Variants in VAV3 observed in about 807,000 individuals in gnomAD.
VAV3 encodes the protein vav guanine nucleotide exchange factor 3.
VAV3 carries 94 observed loss-of-function variants against 131.2 expected under a neutral mutation model. That is an observed-to-expected ratio of 0.72 (90% CI 0.61 to 0.85). The LOEUF is 0.85. Ranked by LOEUF, VAV3 falls within the 40% of genes least tolerant of loss-of-function variation. VAV3 has a pLI of 0.00. For synonymous variants in VAV3, 349 were observed against 342.0 expected (o/e 1.02, Z -0.22); for missense variants, 939 against 1,002.7 (o/e 0.94, Z 0.86).
chr1:107,707,167 T>C (rs1048130218), intron 15 of VAV3, among the ~76,000 whole-genome samples: 3 of 152,186 alleles, frequency 2.0e-5, no homozygotes, highest in Non-Finnish European at 4.4e-5. Context: ...AGAAAGAAAC[T>C]ATTAGAATTA....
At chr1:107,763,729 T>C (rs888073970) in intron 9 of VAV3, among the ~76,000 whole-genome samples, 1 of 152,188 alleles carries the variant, frequency 6.6e-6, no homozygotes, top group Admixed American at 6.5e-5. Context: ...ACGTATCTAG[T>C]ACAGTTACTT....
At chr1:107,930,281 C>A (rs1184684034) in intron 1 of VAV3, among the ~76,000 whole-genome samples, 1 of 152,068 alleles carries the variant, frequency 6.6e-6, no homozygotes, top group African/African-American at 2.4e-5. Context: ...CAAAATATCT[C>A]ATGTAATCCA....
chr1:107,678,012 C>A (rs1416284518), intron 19 of VAV3: 1 of 152,092 alleles, frequency 6.6e-6, no homozygotes, highest in Admixed American at 6.6e-5. Context: ...AATCTGTTAT[C>A]ACGGAAAAGG....
intron 5 of VAV3, among the ~76,000 whole-genome samples, chr1:107,771,146 T>C (rs1447544358): frequency 1.3e-5 from 2 of 152,214 alleles, no homozygotes; most frequent in African/African-American, 4.8e-5. Context: ...ATCTTACTGC[T>C]TGACTTTTTA....
At chr1:107,674,128 A>T (rs1328604673) in intron 19 of VAV3, among the ~76,000 whole-genome samples, 1 of 152,242 alleles carries the variant, frequency 6.6e-6, no homozygotes, top group Non-Finnish European at 1.5e-5. Context: ...CTATATATTG[A>T]TTCAAATAGT....
intron 1 of VAV3, among the ~76,000 whole-genome samples, chr1:107,931,787 C>T (rs1057253241): frequency 3.9e-5 from 6 of 152,286 alleles, no homozygotes; most frequent in South Asian, 2.1e-4. Context: ...TAGCATTACA[C>T]TATGGAAGCA....
intron 10 of VAV3, among the ~76,000 whole-genome samples, chr1:107,759,470 T>TA (rs1276069262): frequency 6.6e-6 from 1 of 152,148 alleles, no homozygotes; most frequent in Non-Finnish European, 1.5e-5. Context: ...TAGTAGTAAG[T>TA]AAAAAAGTCT....
At position 107,669,300 on chromosome 1, in the gene VAV3, C is replaced by T. The variant is rs910623744; in HGVS notation, c.1777+14188G>A. The T allele has an allele frequency of 1.1e-5, 14 of 1,286,102 alleles. No individual in the cohort carries two copies. The African/African-American group carries it at 1.5e-4, about 14-fold the overall frequency. The allele number at this position is 1,286,102 out of a possible 1,614,324, so 79.7% of individuals were successfully genotyped here. A position where few individuals can be genotyped will look rare whatever the true frequency, so the allele number is the denominator to read the frequency against. On this transcript the variant is annotated intron_variant, in intron 19 of 26. Transcript: ENST00000370056. ...GCTGTGTAAGTGGGGACAAAAAGAG[C>T]TACCCAGTATTGTTGCTGGACACCA... is the stretch of plus-strand genomic sequence containing the variant.
At chr1:107,819,680 G>T (rs1308271032) in intron 2 of VAV3, among the ~76,000 whole-genome samples, 2 of 152,054 alleles carry the variant, frequency 1.3e-5, no homozygotes, top group Non-Finnish European at 2.9e-5. Context: ...AATTTATGTA[G>T]GATTTCATAA....
At chr1:107,677,045 C>T (rs1272722039) in intron 19 of VAV3, among the ~76,000 whole-genome samples, 1 of 152,068 alleles carries the variant, frequency 6.6e-6, no homozygotes. Flanking sequence ...ATTATAAGAA[C>T]CAAACATAAG....
At chr1:107,851,849 G>C (rs1669247484) in intron 2 of VAV3, among the ~76,000 whole-genome samples, 1 of 152,108 alleles carries the variant, frequency 6.6e-6, no homozygotes, top group African/African-American at 2.4e-5. Context: ...GTTTATATTT[G>C]AGAAAATACA....
At chr1:107,584,439 G>C (rs1406806489) in intron 25 of VAV3, among the ~76,000 whole-genome samples, 1 of 152,146 alleles carries the variant, frequency 6.6e-6, no homozygotes, top group East Asian at 1.9e-4. Context: ...CTTCTGCACG[G>C]CAAAAGAAAC....
rs1664853272 is a variant in VAV3 at position 107,768,422 on chromosome 1, C to T, written c.717+19G>A. ...TTATTGAAGTACACCACAATTTTAG[C>T]TAGCATATTTTTACTCACAGGAATG... is the stretch of plus-strand genomic sequence containing the variant. On this transcript the variant is annotated intron_variant, in intron 7 of 26. Transcript: ENST00000370056. 1 of 1,600,554 alleles carries T rather than the reference C, an allele frequency of 6.2e-7. No homozygotes were observed.
chr1:107,823,801 C>T (rs1667900014), intron 2 of VAV3, among the ~76,000 whole-genome samples: 1 of 152,094 alleles, frequency 6.6e-6, no homozygotes, highest in African/African-American at 2.4e-5. Flanking sequence ...GAAGAGAAGC[C>T]AGAGAGCTTG....
intron 19 of VAV3, among the ~76,000 whole-genome samples, chr1:107,659,549 G>C (rs1656850312): frequency 6.6e-6 from 1 of 152,106 alleles, no homozygotes; most frequent in Non-Finnish European, 1.5e-5. Context: ...TTTTTATGAG[G>C]AAGTGCTTTT....
At chr1:107,801,802 A>G (rs953080378) in intron 2 of VAV3, among the ~76,000 whole-genome samples, 4 of 152,158 alleles carry the variant, frequency 2.6e-5, no homozygotes, top group Non-Finnish European at 5.9e-5. Context: ...TCATTGCTCA[A>G]CTAAACTCAT....
intron 25 of VAV3, among the ~76,000 whole-genome samples, chr1:107,590,778 C>G (rs990493296): frequency 6.6e-6 from 1 of 152,094 alleles, no homozygotes; most frequent in African/African-American, 2.4e-5. Context: ...CTAAGATATA[C>G]GCAAACCTGC....
chr1:107,880,325 C>T (rs991785029), intron 1 of VAV3, among the ~76,000 whole-genome samples: 11 of 152,160 alleles, frequency 7.2e-5, no homozygotes, highest in Non-Finnish European at 1.3e-4. Context: ...TCCAGTCAAA[C>T]GGCAAAGAAT....
chr1:107,743,605 T>C (rs1663151066), intron 15 of VAV3, among the ~76,000 whole-genome samples: 1 of 152,210 alleles, frequency 6.6e-6, no homozygotes, highest in African/African-American at 2.4e-5. Context: ...CTTCCAACAG[T>C]GTCTGGCAAC....
Sources: allele counts gnomAD v4.1 joint callset (sites outside exome capture counted in the v4.1 genomes callset), GRCh38; gene constraint gnomAD v4.1.1; transcripts MANE v1.5; gene names NCBI Gene and HGNC (gene_info 2026-07-23, HGNC 2026-07-21).